The following RSPO2 variants were observed in gnomAD, a reference collection of about 807,000 sequenced individuals.
RSPO2 encodes the protein R-spondin-2.
A neutral mutation model predicts 30.9 loss-of-function variants in RSPO2; 14 were observed. That is an observed-to-expected ratio of 0.45 (90% CI 0.30 to 0.71). RSPO2 has a LOEUF of 0.71. Ranked by LOEUF, RSPO2 falls within the 30% of genes least tolerant of loss-of-function variation. The pLI is 0.08. For synonymous variants in RSPO2, 107 were observed against 96.4 expected, an observed-to-expected ratio of 1.11 and a Z score of -0.64; for missense variants, 264 against 301.9, an observed-to-expected ratio of 0.87 and a Z score of 0.93.
At chr8:108,078,294 C>T (rs965804319) in intron 2 of RSPO2, among the ~76,000 whole-genome samples, 1 of 152,084 alleles carries the variant, frequency 6.6e-6, no homozygotes, top group Non-Finnish European at 1.5e-5. Context: ...AAAAATTATG[C>T]CGTTATGTTG....
chr8:107,935,444 G>C (rs1008634199), intron 5 of RSPO2, among the ~76,000 whole-genome samples: 3 of 151,998 alleles, frequency 2.0e-5, no homozygotes, highest in African/African-American at 7.2e-5. Flanking sequence ...AGGATTGTCA[G>C]GTATTGGGGA....
At chr8:108,042,949 C>A (rs1811801527) in intron 2 of RSPO2, among the ~76,000 whole-genome samples, 2 of 152,070 alleles carry the variant, frequency 1.3e-5, no homozygotes, top group East Asian at 1.9e-4. Flanking sequence ...CCATATCAAC[C>A]ACATACTGCT....
chr8:107,976,075 A>C (rs1056174013), intron 3 of RSPO2, among the ~76,000 whole-genome samples: 1 of 152,214 alleles, frequency 6.6e-6, no homozygotes. Context: ...CCTTCTGCAG[A>C]CTGGGCTGTA....
At chr8:107,972,338 G>A (rs536940946) in intron 3 of RSPO2, among the ~76,000 whole-genome samples, 113 of 152,092 alleles carry the variant, frequency 7.4e-4, no homozygotes, top group Non-Finnish European at 1.2e-3. Flanking sequence ...TAGAGATGGC[G>A]TTTCATCACA....
intron 2 of RSPO2, among the ~76,000 whole-genome samples, chr8:108,020,077 C>CA (rs34726560): frequency 0.22 from 24,248 of 110,844 alleles, 2,431 homozygotes; most frequent in Middle Eastern, 0.34. Flanking sequence ...ATAAAAATTA[C>CA]AAAAAAAAAA....
intron 5 of RSPO2, among the ~76,000 whole-genome samples, chr8:107,917,979 A>C (rs1477377690): frequency 6.6e-6 from 1 of 152,170 alleles, no homozygotes; most frequent in African/African-American, 2.4e-5. Context: ...TATTGAATGC[A>C]CGTTTCTAAT....
At chr8:107,949,635 C>T (rs1813178194) in intron 5 of RSPO2, among the ~76,000 whole-genome samples, 1 of 152,064 alleles carries the variant, frequency 6.6e-6, no homozygotes, top group Non-Finnish European at 1.5e-5. Context: ...ACAGAAAACT[C>T]TTATGTTCTC....
At chr8:107,990,394 AC>A (rs1814808087) in intron 2 of RSPO2, among the ~76,000 whole-genome samples, 1 of 152,160 alleles carries the variant, frequency 6.6e-6, no homozygotes, top group Admixed American at 6.5e-5. Context: ...ACTCACTAGC[AC>A]TCCTACACAC....
chr8:107,901,996 C>T (rs1811488648), intron 5 of RSPO2, among the ~76,000 whole-genome samples: 1 of 152,178 alleles, frequency 6.6e-6, no homozygotes, highest in Non-Finnish European at 1.5e-5. Flanking sequence ...CTATATTTTA[C>T]TTCCTCCATC....
intron 3 of RSPO2, among the ~76,000 whole-genome samples, chr8:107,974,118 C>T (rs555985334): frequency 2.0e-4 from 30 of 152,002 alleles, no homozygotes; most frequent in Admixed American, 3.9e-4. Flanking sequence ...ATTTGAATTC[C>T]GCAGGTCTAA....
intron 5 of RSPO2, among the ~76,000 whole-genome samples, chr8:107,942,795 G>A (rs1039872564): frequency 1.3e-5 from 2 of 152,152 alleles, no homozygotes; most frequent in Non-Finnish European, 2.9e-5. Flanking sequence ...ATAAAAAAAA[G>A]GTTGTTTCAT....
intron 5 of RSPO2, among the ~76,000 whole-genome samples, chr8:107,917,305 T>C (rs1812012620): frequency 6.6e-6 from 1 of 151,938 alleles, no homozygotes; most frequent in Non-Finnish European, 1.5e-5. Context: ...GCCAACATGG[T>C]GAAACCCCAT....
chr8:107,946,916 A>AT (rs1278469615), intron 5 of RSPO2, among the ~76,000 whole-genome samples: 2 of 152,238 alleles, frequency 1.3e-5, no homozygotes, highest in Non-Finnish European at 2.9e-5. Context: ...CTAGATGATT[A>AT]TTTGTCAAAG....
At chr8:107,906,007 C>T (rs17310810) in intron 5 of RSPO2, among the ~76,000 whole-genome samples, 33,110 of 151,674 alleles carry the variant, frequency 0.22, 4,094 homozygotes, top group Middle Eastern at 0.37. Flanking sequence ...GATGAGATGC[C>T]ACTACAAAGA....
intron 2 of RSPO2, among the ~76,000 whole-genome samples, chr8:108,060,170 C>CA (rs1041600866): frequency 2.0e-5 from 3 of 151,686 alleles, no homozygotes; most frequent in Non-Finnish European, 4.4e-5. Flanking sequence ...AGCAATGGAA[C>CA]AAAGCTGGAT....
At chr8:107,914,575 TATAATA>T (rs1168385341) in intron 5 of RSPO2, among the ~76,000 whole-genome samples, 7 of 152,160 alleles carry the variant, frequency 4.6e-5, no homozygotes, top group Non-Finnish European at 1.0e-4. Context: ...ATAACATAGT[TATAATA>T]ATGTCTTTAT....
At chr8:107,949,440 A>C (rs1196087953) in intron 5 of RSPO2, among the ~76,000 whole-genome samples, 1 of 151,086 alleles carries the variant, frequency 6.6e-6, no homozygotes, top group Non-Finnish European at 1.5e-5. Context: ...TACAATTTCG[A>C]ATTGTACTGC....
intron 2 of RSPO2, among the ~76,000 whole-genome samples, chr8:108,051,850 C>T (rs1266970215): frequency 6.6e-6 from 1 of 152,184 alleles, no homozygotes; most frequent in African/African-American, 2.4e-5. Context: ...ACTCAAATCA[C>T]ATGCACAACC....
chr8:108,008,915 T>C (rs1810598847), intron 2 of RSPO2, among the ~76,000 whole-genome samples: 1 of 151,920 alleles, frequency 6.6e-6, no homozygotes, highest in South Asian at 2.1e-4. Flanking sequence ...ATAAAGAATA[T>C]TGGCAAATCA....
Sources: gnomAD v4.1 joint callset for allele counts (sites outside exome capture counted in the v4.1 genomes callset) on GRCh38, gnomAD v4.1.1 for gene constraint, MANE v1.5 for transcripts, NCBI Gene and HGNC (gene_info 2026-07-23, HGNC 2026-07-21) for gene names.